The following BBX variants were observed in gnomAD, a reference collection of about 807,000 sequenced individuals.
BBX encodes HMG box transcription factor BBX.
BBX carries 30 observed loss-of-function variants against 100.2 expected under a neutral mutation model. The ratio of observed to expected loss-of-function variants is 0.30; its 90% CI spans 0.22 to 0.41. The LOEUF (loss-of-function observed/expected upper bound fraction) is 0.41. Among genes scored for constraint, BBX ranks in the 10% least tolerant of loss-of-function variants. The pLI, the probability that BBX is intolerant of heterozygous loss-of-function variation, is 1.00. For missense variants in BBX, 1,023 were observed against 1,129.8 expected (o/e 0.91, Z 1.35); for synonymous variants, 376 against 388.1 (o/e 0.97, Z 0.37).
At chr3:107,676,894 A>G (rs1414170533) in intron 3 of BBX, among the ~76,000 whole-genome samples, 2 of 152,162 alleles carry the variant, frequency 1.3e-5, no homozygotes, top group Non-Finnish European at 2.9e-5. Context: ...GAAATTTTAT[A>G]AAAACATCCA....
chr3:107,805,259 A>G (rs2070966566), intron 17 of BBX, 111 bp from the exon 18 acceptor site: 1 of 1,137,866 alleles, frequency 8.8e-7, no homozygotes, highest in South Asian at 1.8e-5. Context: ...GATGTAAGTA[A>G]CAGCAGTAAC....
Position 107,809,107 on chromosome 3 carries a change from C to T in BBX, c.*3650C>T, listed in dbSNP as rs2071190448. On this transcript the variant is annotated 3_prime_UTR_variant, in exon 18 of 18. Coordinates refer to ENST00000325805, the MANE Select transcript of BBX (RefSeq NM_001142568.3). ...TGTTTGCACTCTGCAGTCTTTGGCT[C>T]AATGTATGGAAATGTTTGCACCTAT... The T allele has an allele frequency of 3.9e-5, 6 of 152,168 alleles. No individual in the cohort carries two copies. The highest frequency in any genetic ancestry group is 2.6e-4 in the Admixed American group (4 of 15,278). 9.4% of individuals were successfully genotyped at this position (152,168 alleles called of 1,614,324 possible).
Position 107,773,665 on chromosome 3 carries a change from A to G in BBX, c.1915+29A>G, listed in dbSNP as rs1270395685. ...AGTAACTTCTACAAACCTGAAAAGA[A>G]TTCAAAAACCAAACAGAATTTCACC... On this transcript the variant is annotated intron_variant, in intron 11 of 17. Transcript: ENST00000325805. This position sits in a 1 kb window ranked among gnomAD's most constrained non-coding sequence, Gnocchi z 4.1. 3.2e-6 allele frequency: 5 copies of G among 1,558,898 alleles called. No individual in the cohort carries two copies. The highest frequency in any genetic ancestry group is 4.3e-6 in the Non-Finnish European group (5 of 1,157,800).
intron 2 of BBX, among the ~76,000 whole-genome samples, chr3:107,626,422 ATTCTC>A (rs1483246263): frequency 2.6e-5 from 4 of 152,224 alleles, no homozygotes; most frequent in Non-Finnish European, 4.4e-5. Context: ...ATGAACATTC[ATTCTC>A]TCACAGTTTC....
chr3:107,726,598 G>A (rs987742187), intron 5 of BBX, among the ~76,000 whole-genome samples: 22 of 151,946 alleles, frequency 1.4e-4, no homozygotes, highest in Admixed American at 9.2e-4. Context: ...AAAACCCCAC[G>A]TATTCCCGGC....
intron 5 of BBX, among the ~76,000 whole-genome samples, chr3:107,727,220 G>C (rs2063011558): frequency 6.6e-6 from 1 of 152,034 alleles, no homozygotes; most frequent in African/African-American, 2.4e-5. Context: ...GACAAACCCG[G>C]CCCGTGTGCT....
At chr3:107,726,913 T>C (rs1351379683) in intron 5 of BBX, among the ~76,000 whole-genome samples, 1 of 151,988 alleles carries the variant, frequency 6.6e-6, no homozygotes, top group South Asian at 2.1e-4. Flanking sequence ...GAAATTAGGA[T>C]GTGGTGATTA....
At chr3:107,560,045 G>A (rs2050369156) in intron 2 of BBX, among the ~76,000 whole-genome samples, 1 of 152,114 alleles carries the variant, frequency 6.6e-6, no homozygotes, top group Non-Finnish European at 1.5e-5. Context: ...CACTGGGCCA[G>A]GATTAGAATT....
At chr3:107,725,103 C>A (rs200878264) in intron 5 of BBX, among the ~76,000 whole-genome samples, 7 of 151,504 alleles carry the variant, frequency 4.6e-5, no homozygotes, top group Admixed American at 6.6e-5. Context: ...ATTTGTAGTT[C>A]TCCTTGAAGA....
chr3:107,780,659 A>G (rs1046010341), intron 13 of BBX, among the ~76,000 whole-genome samples: 1 of 152,108 alleles, frequency 6.6e-6, no homozygotes, highest in African/African-American at 2.4e-5. Context: ...AGCAAAATGC[A>G]ATTAAAATAA....
chr3:107,576,313 A>G (rs889545808), intron 2 of BBX, among the ~76,000 whole-genome samples: 1 of 152,172 alleles, frequency 6.6e-6, no homozygotes, highest in African/African-American at 2.4e-5. Flanking sequence ...TTAAATAGCT[A>G]TTTTATGATT....
intron 2 of BBX, among the ~76,000 whole-genome samples, chr3:107,619,718 G>T (rs1329090201): frequency 6.6e-6 from 1 of 152,050 alleles, no homozygotes; most frequent in Non-Finnish European, 1.5e-5. Context: ...ACTGGGTATA[G>T]GATCCTGGAT....
chr3:107,797,968 A>G (rs532917208), intron 15 of BBX, among the ~76,000 whole-genome samples: 1 of 152,384 alleles, frequency 6.6e-6, no homozygotes, highest in East Asian at 1.9e-4. Context: ...GCTGGCTTCA[A>G]CAATGTTTGT....
chr3:107,626,356 A>T (rs2056173968), intron 2 of BBX, among the ~76,000 whole-genome samples: 1 of 152,226 alleles, frequency 6.6e-6, no homozygotes, highest in Admixed American at 6.5e-5. Flanking sequence ...TAGTTGTAGT[A>T]TCAATCTGTA....
At chr3:107,555,070 A>AAACAACAACAAC (rs77709627) in intron 2 of BBX, among the ~76,000 whole-genome samples, 2 of 151,070 alleles carry the variant, frequency 1.3e-5, no homozygotes, top group Admixed American at 1.3e-4. Context: ...CTCCGTCTCA[A>AAACAACAACAAC]AACAACAACA....
intron 2 of BBX, among the ~76,000 whole-genome samples, chr3:107,588,773 T>C (rs1446398148): frequency 6.6e-6 from 1 of 152,190 alleles, no homozygotes; most frequent in Non-Finnish European, 1.5e-5. Context: ...AAATTGAACA[T>C]ATAACATGTT....
chr3:107,585,986 A>G (rs1401319991), intron 2 of BBX, among the ~76,000 whole-genome samples: 1 of 152,200 alleles, frequency 6.6e-6, no homozygotes, highest in East Asian at 1.9e-4. Flanking sequence ...TTGTGAAAGA[A>G]CGATACAAAA....
rs758505545 is a variant in BBX at position 107,773,640 on chromosome 3, A to C, written c.1915+4A>C. 2 of 1,597,988 alleles carry C rather than the reference A, an allele frequency of 1.3e-6. No individual in the cohort carries two copies. The highest frequency in any genetic ancestry group is 1.7e-6 in the Non-Finnish European group (2 of 1,174,156). Reference sequence around the variant, plus strand: ...CTGCGAGCTAATGTTGACAGAGGTAAGTAACTTCTACAAACCTGAAAAGAA... The same window carrying C: ...CTGCGAGCTAATGTTGACAGAGGTACGTAACTTCTACAAACCTGAAAAGAA... On this transcript the variant is annotated splice_donor_region_variant and intron_variant, in intron 11 of 17. Coordinates refer to ENST00000325805, the MANE Select transcript of BBX (RefSeq NM_001142568.3). This position sits in a 1 kb window ranked among gnomAD's most constrained non-coding sequence, Gnocchi z 4.1.
intron 4 of BBX, among the ~76,000 whole-genome samples, chr3:107,713,218 C>G (rs141985712): frequency 6.6e-6 from 1 of 152,276 alleles, no homozygotes; most frequent in Admixed American, 6.5e-5. Flanking sequence ...AAATATTGTC[C>G]CTGTTCTCAC....
Sources: gnomAD v4.1 joint callset for allele counts (sites outside exome capture counted in the v4.1 genomes callset) on GRCh38, gnomAD v4.1.1 for gene constraint, Gnocchi (gnomAD v3.1) non-coding constraint, MANE v1.5 for transcripts, NCBI Gene and HGNC (gene_info 2026-07-23, HGNC 2026-07-21) for gene names.